The following SLC35F3 variants were observed in gnomAD, a reference collection of about 807,000 sequenced individuals.
SLC35F3 encodes the protein putative thiamine transporter SLC35F3.
In SLC35F3, 25 loss-of-function variants were observed where a neutral mutation model predicts 49.9. The ratio of observed to expected loss-of-function variants is 0.50; its 90% confidence interval spans 0.37 to 0.70. The LOEUF (loss-of-function observed/expected upper bound fraction) is 0.70, where lower values mean the gene tolerates loss of function less well. Among genes scored for constraint, SLC35F3 ranks in the 30% least tolerant of loss-of-function variants. The probability of loss-of-function intolerance (pLI) is 0.00; values close to 1 mark genes in which losing one functional copy is unlikely to be tolerated. For missense variants in SLC35F3, 525 were observed against 639.8 expected (o/e 0.82, Z 1.94); for synonymous variants, 275 against 265.4 (o/e 1.04, Z -0.35).
intron 3 of SLC35F3, among the ~76,000 whole-genome samples, chr1:234,289,946 T>TA (rs1298880691): frequency 6.6e-6 from 1 of 152,212 alleles, no homozygotes; most frequent in Non-Finnish European, 1.5e-5. Flanking sequence ...AAAAGAGCTT[T>TA]ATTAATAGTA....
chr1:234,104,152 T>A (rs749861337), intron 2 of SLC35F3, among the ~76,000 whole-genome samples: 1 of 152,202 alleles, frequency 6.6e-6, no homozygotes, highest in Admixed American at 6.5e-5. Context: ...TTCTGGGAAG[T>A]GAGCAAAGAA....
At chr1:234,075,699 G>T (rs902799859) in intron 2 of SLC35F3, among the ~76,000 whole-genome samples, 2 of 152,154 alleles carry the variant, frequency 1.3e-5, no homozygotes, top group Admixed American at 6.5e-5. Context: ...GGAAAGTAAA[G>T]ACCCCAATTC....
chr1:234,143,028 C>G (rs188728531), intron 2 of SLC35F3, among the ~76,000 whole-genome samples: 2 of 152,280 alleles, frequency 1.3e-5, no homozygotes, highest in Non-Finnish European at 2.9e-5. Flanking sequence ...CGTCACCTCA[C>G]TCAGTTACCT....
intron 2 of SLC35F3, among the ~76,000 whole-genome samples, chr1:234,061,059 G>T (rs1254300572): frequency 6.6e-6 from 1 of 152,050 alleles, no homozygotes; most frequent in Non-Finnish European, 1.5e-5. Flanking sequence ...GGCTTTTTGT[G>T]TGCATGTATT....
At chr1:234,213,463 C>T (rs774209019) in intron 2 of SLC35F3, 4 of 152,286 alleles carry the variant, frequency 2.6e-5, no homozygotes, top group Non-Finnish European at 5.9e-5. Context: ...GGGATGATAG[C>T]AGGGCACCTC....
At chr1:234,019,286 C>T (rs1663855213) in intron 2 of SLC35F3, among the ~76,000 whole-genome samples, 1 of 152,146 alleles carries the variant, frequency 6.6e-6, no homozygotes, top group Non-Finnish European at 1.5e-5. Context: ...TCTGAGGTCA[C>T]TCCCTATATT....
chr1:234,270,379 A>C (rs1192906143), intron 3 of SLC35F3, among the ~76,000 whole-genome samples: 2 of 152,184 alleles, frequency 1.3e-5, no homozygotes, highest in African/African-American at 4.8e-5. Flanking sequence ...AAATTCTATA[A>C]AGAAATTCTC....
At chr1:233,956,761 G>A (rs570399903) in intron 2 of SLC35F3, among the ~76,000 whole-genome samples, 12 of 152,360 alleles carry the variant, frequency 7.9e-5, no homozygotes, top group Non-Finnish European at 1.5e-4. Context: ...GGGTCCTGCA[G>A]CCTCAAGCAG....
intron 2 of SLC35F3, among the ~76,000 whole-genome samples, chr1:234,136,684 T>C (rs1665817494): frequency 6.6e-6 from 1 of 152,228 alleles, no homozygotes; most frequent in Non-Finnish European, 1.5e-5. Context: ...AGTGAATGAA[T>C]TAATGAACGC....
At chr1:234,107,410 T>C (rs1665300795) in intron 2 of SLC35F3, among the ~76,000 whole-genome samples, 1 of 152,102 alleles carries the variant, frequency 6.6e-6, no homozygotes, top group South Asian at 2.1e-4. Context: ...TGTTAAGCAA[T>C]AGACTTTAAT....
chr1:234,094,708 G>A (rs1047804334), intron 2 of SLC35F3, among the ~76,000 whole-genome samples: 5 of 152,104 alleles, frequency 3.3e-5, no homozygotes, highest in Admixed American at 6.5e-5. Flanking sequence ...TATAGGATTC[G>A]GCAGGGGGCG....
At chr1:233,980,440 A>G (rs1054025362) in intron 2 of SLC35F3, among the ~76,000 whole-genome samples, 2 of 152,052 alleles carry the variant, frequency 1.3e-5, no homozygotes, top group African/African-American at 4.8e-5. Flanking sequence ...TGCTACTCCC[A>G]CTGCAAGGCC....
intron 2 of SLC35F3, among the ~76,000 whole-genome samples, chr1:234,065,220 T>C (rs760613906): frequency 1.3e-5 from 2 of 152,138 alleles, no homozygotes; most frequent in Non-Finnish European, 2.9e-5. Context: ...AATCTCGGCT[T>C]ACTGCAACTT....
chr1:233,998,445 A>G (rs994075643), intron 2 of SLC35F3, among the ~76,000 whole-genome samples: 2 of 151,908 alleles, frequency 1.3e-5, no homozygotes, highest in African/African-American at 4.8e-5. Context: ...TATACCAGAT[A>G]CAGAATGACC....
At chr1:234,235,244 C>T (rs1667446266) in intron 3 of SLC35F3, among the ~76,000 whole-genome samples, 1 of 152,230 alleles carries the variant, frequency 6.6e-6, no homozygotes, top group Non-Finnish European at 1.5e-5. Context: ...TGAGCTGCTT[C>T]CTTCTCCAAT....
chr1:234,177,592 A>G (rs2102921978), intron 2 of SLC35F3, among the ~76,000 whole-genome samples: 1 of 152,322 alleles, frequency 6.6e-6, no homozygotes, highest in South Asian at 2.1e-4. Flanking sequence ...CTGATCAGGG[A>G]GAGCACTAAC....
At chr1:234,007,890 T>G (rs1270887600) in intron 2 of SLC35F3, among the ~76,000 whole-genome samples, 1 of 152,192 alleles carries the variant, frequency 6.6e-6, no homozygotes, top group Non-Finnish European at 1.5e-5. Flanking sequence ...ATAGTCAGCT[T>G]TTTTACATGT....
intron 2 of SLC35F3, among the ~76,000 whole-genome samples, chr1:233,922,486 CTTT>C (rs35271789): frequency 2.1e-3 from 238 of 112,322 alleles, no homozygotes; most frequent in African/African-American, 7.1e-3. Context: ...TTTTGATGGC[CTTT>C]TTTTTTTTTT....
At chr1:233,985,831 C>T (rs1245705705) in intron 2 of SLC35F3, among the ~76,000 whole-genome samples, 1 of 152,192 alleles carries the variant, frequency 6.6e-6, no homozygotes, top group African/African-American at 2.4e-5. Flanking sequence ...TGGGAAAGTT[C>T]CTGGTCCTGC....
Sources: gnomAD v4.1 joint callset for allele counts (sites outside exome capture counted in the v4.1 genomes callset) on GRCh38, gnomAD v4.1.1 for gene constraint, MANE v1.5 for transcripts, NCBI Gene and HGNC (gene_info 2026-07-23, HGNC 2026-07-21) for gene names.